NR3C2: variants seen among roughly 807,000 people sequenced by gnomAD.
The protein encoded by NR3C2 is nuclear receptor subfamily 3 group C member 2, also known as mineralocorticoid receptor.
A neutral mutation model predicts 86.4 loss-of-function variants in NR3C2; 15 were observed. The observed-to-expected ratio is 0.17, with a 90% CI of 0.12 to 0.27. NR3C2 has a LOEUF of 0.27. Ranked by LOEUF, NR3C2 falls within the 10% of genes least tolerant of loss-of-function variation. The pLI is 1.00. For synonymous variants in NR3C2, 458 were observed against 450.5 expected (o/e 1.02, Z -0.21); for missense variants, 960 against 1,195.6 (o/e 0.80, Z 2.91).
At position 148,079,375 on chromosome 4, in the gene NR3C2, G is replaced by C. The variant is rs538592548; in HGVS notation, c.*1969C>G. ...ACAGGTTTCCCCTTGCATAAGGCAGGTGTCTTTTGAAAGACAAGGTAATGT... is the reference window on the plus strand; with the variant it reads ...ACAGGTTTCCCCTTGCATAAGGCAGCTGTCTTTTGAAAGACAAGGTAATGT... On this transcript the variant is annotated 3_prime_UTR_variant, in exon 9 of 9. Coordinates refer to ENST00000358102, the MANE Select transcript of NR3C2 (RefSeq NM_000901.5). The C allele has an allele frequency of 3.0e-4, 46 of 152,340 alleles. No individual in the cohort carries two copies. The highest frequency in any genetic ancestry group is 1.0e-3 in the African/African-American group (42 of 41,572). The allele number at this position is 152,340 out of a possible 1,614,324, so 9.4% of individuals were successfully genotyped here. A position where few individuals can be genotyped will look rare whatever the true frequency, so the allele number is the denominator to read the frequency against.
chr4:148,276,716 G>A (rs931866334), intron 2 of NR3C2, among the ~76,000 whole-genome samples: 4 of 152,118 alleles, frequency 2.6e-5, no homozygotes, highest in South Asian at 2.1e-4. Context: ...AGAAACAAAC[G>A]TCAATCATTC....
chr4:148,342,996 T>A (rs985926638), intron 2 of NR3C2, among the ~76,000 whole-genome samples: 1 of 152,078 alleles, frequency 6.6e-6, no homozygotes, highest in Admixed American at 6.6e-5. Context: ...TTTAGCCCAA[T>A]CCCGGAAAGA....
intron 8 of NR3C2, among the ~76,000 whole-genome samples, chr4:148,109,402 C>T (rs552539706): frequency 2.6e-5 from 4 of 152,332 alleles, no homozygotes; most frequent in East Asian, 1.9e-4. Context: ...AGATGAATAT[C>T]GTCCTCTATC....
intron 4 of NR3C2, among the ~76,000 whole-genome samples, chr4:148,194,201 A>G (rs2149802271): frequency 6.6e-6 from 1 of 152,270 alleles, no homozygotes; most frequent in South Asian, 2.1e-4. Context: ...TAACTTAGGG[A>G]AAATTTATAT....
intron 3 of NR3C2, among the ~76,000 whole-genome samples, chr4:148,259,546 A>G (rs1056226318): frequency 6.6e-6 from 1 of 152,248 alleles, no homozygotes; most frequent in Non-Finnish European, 1.5e-5. Flanking sequence ...TGTATGAAAC[A>G]CAAATCACAG....
chr4:148,334,529 G>A (rs543162466), intron 2 of NR3C2, among the ~76,000 whole-genome samples: 9 of 152,254 alleles, frequency 5.9e-5, no homozygotes, highest in South Asian at 2.1e-4. Flanking sequence ...GTGACAGAAT[G>A]AGACTCCATC....
Position 148,191,386 on chromosome 4 carries a change from C to T in NR3C2, c.2014+3360G>A, listed in dbSNP as rs576413202. On this transcript the variant is annotated intron_variant, in intron 4 of 8. Transcript: ENST00000358102. ...TGATAGGTTTTCCTTTATAGGTTAC[C>T]TGGTGCTTCTGTCTCACAGCTCTTA... is the stretch of plus-strand genomic sequence containing the variant. 5.9e-5 allele frequency among the ~76,000 whole-genome samples: 9 copies of T among 152,260 alleles called. No individual in the cohort carries two copies. In the East Asian group the frequency reaches 1.7e-3, roughly 29 times the overall value.
chr4:148,248,604 G>A (rs1222799014), intron 3 of NR3C2, among the ~76,000 whole-genome samples: 1 of 152,152 alleles, frequency 6.6e-6, no homozygotes, highest in Non-Finnish European at 1.5e-5. Flanking sequence ...TTAAATCCTG[G>A]TCTTAAATGC....
intron 6 of NR3C2, among the ~76,000 whole-genome samples, chr4:148,140,951 T>C (rs1733573838): frequency 1.3e-5 from 2 of 152,234 alleles, no homozygotes; most frequent in Non-Finnish European, 1.5e-5. Context: ...CATGGAATAT[T>C]AACATACAGC....
At chr4:148,130,972 A>T (rs1057037486) in intron 6 of NR3C2, among the ~76,000 whole-genome samples, 1 of 151,278 alleles carries the variant, frequency 6.6e-6, no homozygotes, top group East Asian at 1.9e-4. Context: ...CTGGGACTAC[A>T]GGCGCCCGCC....
In NR3C2 at chr4:148,120,269, C is replaced by T. The variant is rs781043974; in HGVS notation, c.2530G>A (p.Ala844Thr). The T allele has an allele frequency of 1.2e-6, 2 of 1,614,072 alleles. No homozygotes were observed. Among genetic ancestry groups the T allele is most frequent in the Non-Finnish European group, 1.7e-6 (2 of 1,179,968 alleles). ...ATCCCCTGGCATAGTTCATACATGG[C>T]AGACTGATGCATCTTCTCTCTGCAA... The part of the protein sequence containing the change: ...VFNEEKMHQS[A>T]MYELCQGMHQ... The change falls in exon 7 of 9, where the codon GCC becomes ACC. Residue 844 changes from alanine to threonine, a missense_variant. Ala to Thr is a moderately conservative substitution (Grantham distance 58). Coordinates refer to ENST00000358102, the MANE Select transcript of NR3C2 (RefSeq NM_000901.5).
chr4:148,283,828 C>A (rs1466530991), intron 2 of NR3C2, among the ~76,000 whole-genome samples: 2 of 152,156 alleles, frequency 1.3e-5, no homozygotes, highest in East Asian at 3.9e-4. Flanking sequence ...CAGTTTCTGG[C>A]AAATTATTAT....
At chr4:148,136,056 C>CAAAAAAAAAAA (rs199716496) in intron 6 of NR3C2, among the ~76,000 whole-genome samples, 1 of 71,204 alleles carries the variant, frequency 1.4e-5, no homozygotes, top group African/African-American at 6.7e-5. Flanking sequence ...GACTCCGTCT[C>CAAAAAAAAAAA]AAAAAAAAAA....
intron 4 of NR3C2, among the ~76,000 whole-genome samples, chr4:148,163,190 A>G (rs1467152884): frequency 6.6e-6 from 1 of 152,236 alleles, no homozygotes; most frequent in Non-Finnish European, 1.5e-5. Context: ...GGAATGTACT[A>G]CTAGCAAGAA....
At chr4:148,363,407 A>G (rs1230201651) in intron 2 of NR3C2, among the ~76,000 whole-genome samples, 1 of 151,824 alleles carries the variant, frequency 6.6e-6, no homozygotes, top group Non-Finnish European at 1.5e-5. Flanking sequence ...ACTTCAAAAT[A>G]TATTTATGTA....
At chr4:148,352,386 AT>A (rs1262087758) in intron 2 of NR3C2, among the ~76,000 whole-genome samples, 216 of 136,556 alleles carry the variant, frequency 1.6e-3, no homozygotes, top group Non-Finnish European at 2.6e-3. Flanking sequence ...CTATCTATCT[AT>A]CTATCTATCT....
At chr4:148,433,423 G>A (rs1197894559) in intron 2 of NR3C2, among the ~76,000 whole-genome samples, 1 of 152,022 alleles carries the variant, frequency 6.6e-6, no homozygotes, top group Non-Finnish European at 1.5e-5. Context: ...AATATTTTAA[G>A]TATTTCTTTA....
intron 3 of NR3C2, among the ~76,000 whole-genome samples, chr4:148,217,724 AAAAAG>A (rs1350839808): frequency 6.6e-6 from 1 of 152,224 alleles, no homozygotes; most frequent in Non-Finnish European, 1.5e-5. Flanking sequence ...GAATTCTGCG[AAAAAG>A]AATAGTCTAA....
intron 8 of NR3C2, among the ~76,000 whole-genome samples, chr4:148,110,819 A>G (rs557894877): frequency 3.9e-5 from 6 of 152,222 alleles, no homozygotes; most frequent in African/African-American, 9.7e-5. Flanking sequence ...GAAACAACCA[A>G]AAGTTCTCAA....
Sources: gnomAD v4.1 joint callset for allele counts (sites outside exome capture counted in the v4.1 genomes callset) on GRCh38, gnomAD v4.1.1 for gene constraint, MANE v1.5 for transcripts, NCBI Gene and HGNC (gene_info 2026-07-23, HGNC 2026-07-21) for gene names.